FGGY: variants seen among roughly 807,000 people sequenced by gnomAD.
FGGY encodes the protein FGGY carbohydrate kinase domain-containing protein.
FGGY carries 72 observed loss-of-function variants against 71.3 expected under a neutral mutation model. That is an observed-to-expected ratio of 1.01 (90% CI 0.84 to 1.23). The LOEUF (loss-of-function observed/expected upper bound fraction) is 1.23. Ranked by LOEUF, FGGY falls within the 50% of genes most tolerant of loss-of-function variation. The probability of loss-of-function intolerance (pLI) is 0.00; values close to 1 mark genes in which losing one functional copy is unlikely to be tolerated. For synonymous variants in FGGY, 251 were observed against 250.3 expected (o/e 1.00, Z -0.02); for missense variants, 668 against 682.3 (o/e 0.98, Z 0.23).
At chr1:59,304,275 T>C (rs1354735838) in intron 1 of FGGY, among the ~76,000 whole-genome samples, 1 of 152,152 alleles carries the variant, frequency 6.6e-6, no homozygotes, top group Non-Finnish European at 1.5e-5. Flanking sequence ...GGGTTCAATT[T>C]CATTCTTTCG....
chr1:59,296,960 C>A (rs1356421785), upstream of FGGY: 1 of 152,754 alleles, frequency 6.5e-6, no homozygotes, highest in African/African-American at 2.4e-5. Context: ...TTTGCTGGTG[C>A]GCAGGCTCTT....
chr1:59,574,554 G>T (rs1261385883), intron 8 of FGGY, among the ~76,000 whole-genome samples: 1 of 151,726 alleles, frequency 6.6e-6, no homozygotes, highest in East Asian at 1.9e-4. Context: ...TACCCTTTAT[G>T]GAAAGAAGTG....
At chr1:59,565,827 A>G (rs1361609526) in intron 8 of FGGY, among the ~76,000 whole-genome samples, 1 of 152,170 alleles carries the variant, frequency 6.6e-6, no homozygotes, top group Non-Finnish European at 1.5e-5. Flanking sequence ...CCAGTCTTCC[A>G]AATCACTTCC....
At chr1:59,479,214 C>T (rs969934808) in intron 6 of FGGY, among the ~76,000 whole-genome samples, 5 of 152,082 alleles carry the variant, frequency 3.3e-5, no homozygotes, top group South Asian at 2.1e-4. Context: ...CTCAGAGTCA[C>T]AGTTGAGAAA....
At chr1:59,359,906 G>C (rs2055093742) in intron 4 of FGGY, among the ~76,000 whole-genome samples, 1 of 152,022 alleles carries the variant, frequency 6.6e-6, no homozygotes, top group African/African-American at 2.4e-5. Flanking sequence ...CTGCCTAAGT[G>C]GCTCTATCCT....
intron 12 of FGGY, chr1:59,660,564 A>C (rs2097265226): frequency 3.4e-6 from 1 of 295,898 alleles, no homozygotes; most frequent in Non-Finnish European, 6.2e-6. Context: ...TCTAAATTTA[A>C]TTAAATAGAA....
At chr1:59,311,957 A>G (rs2044419300) in intron 1 of FGGY, among the ~76,000 whole-genome samples, 1 of 152,182 alleles carries the variant, frequency 6.6e-6, no homozygotes, top group South Asian at 2.1e-4. Flanking sequence ...CTGGCATGAG[A>G]TAGTATCTCG....
chr1:59,520,220 G>C (rs1200909734), intron 7 of FGGY, among the ~76,000 whole-genome samples: 1 of 152,206 alleles, frequency 6.6e-6, no homozygotes, highest in East Asian at 1.9e-4. Flanking sequence ...TAAGGGTTTT[G>C]CTGATACATT....
intron 8 of FGGY, among the ~76,000 whole-genome samples, chr1:59,592,170 A>G (rs1042918039): frequency 2.2e-4 from 34 of 152,382 alleles, no homozygotes; most frequent in African/African-American, 7.5e-4. Flanking sequence ...TGCAGCAAAA[A>G]AACACATGAA....
intron 5 of FGGY, among the ~76,000 whole-genome samples, chr1:59,406,456 C>G (rs1397377152): frequency 2.0e-5 from 3 of 152,092 alleles, no homozygotes; most frequent in Non-Finnish European, 2.9e-5. Context: ...AAGTACAGTG[C>G]AAGAAAGCTG....
At chr1:59,375,477 A>T (rs193275309) in intron 4 of FGGY, among the ~76,000 whole-genome samples, 203 of 152,278 alleles carry the variant, frequency 1.3e-3, no homozygotes, top group Middle Eastern at 3.4e-3. Context: ...GTGCATACTT[A>T]AGAGTACCTC....
At chr1:59,565,077 G>A (rs2095853556) in intron 8 of FGGY, among the ~76,000 whole-genome samples, 1 of 152,116 alleles carries the variant, frequency 6.6e-6, no homozygotes, top group South Asian at 2.1e-4. Context: ...GTGGTATATG[G>A]GAGTGGAAAG....
chr1:59,346,521 G>T (rs2051954193), intron 4 of FGGY, 123 bp downstream of exon 4: 2 of 1,115,740 alleles, frequency 1.8e-6, no homozygotes, highest in South Asian at 3.1e-5. Flanking sequence ...GCAACTAGGA[G>T]GAAGGTTGAT....
intron 12 of FGGY, among the ~76,000 whole-genome samples, chr1:59,660,690 A>T (rs1041902950): frequency 3.9e-5 from 6 of 152,248 alleles, no homozygotes; most frequent in African/African-American, 1.4e-4. Flanking sequence ...GGGTCCTTTA[A>T]ATAGTAAGCT....
chr1:59,482,474 T>A (rs1464687960), intron 6 of FGGY, among the ~76,000 whole-genome samples: 3 of 151,806 alleles, frequency 2.0e-5, no homozygotes, highest in Non-Finnish European at 4.4e-5. Flanking sequence ...GGCTGCATAT[T>A]TATATATATA....
chr1:59,497,328 C>G (rs1570174959), intron 6 of FGGY, among the ~76,000 whole-genome samples: 1 of 152,184 alleles, frequency 6.6e-6, no homozygotes, highest in Admixed American at 6.5e-5. Flanking sequence ...TGGCTCATGC[C>G]TATAATCCCA....
intron 14 of FGGY, among the ~76,000 whole-genome samples, chr1:59,710,062 C>G (rs555347504): frequency 6.6e-6 from 1 of 152,178 alleles, no homozygotes; most frequent in Admixed American, 6.5e-5. Context: ...ACCCTGCCAC[C>G]AACTCACAGA....
intron 6 of FGGY, among the ~76,000 whole-genome samples, chr1:59,459,416 T>G (rs2091987098): frequency 6.6e-6 from 1 of 152,168 alleles, no homozygotes; most frequent in Non-Finnish European, 1.5e-5. Context: ...AAAAATAGTT[T>G]TGTGCATCAA....
At chr1:59,411,831 TA>T (rs57952277) in intron 5 of FGGY, among the ~76,000 whole-genome samples, 3,381 of 152,262 alleles carry the variant, frequency 0.022, 106 homozygotes, top group African/African-American at 0.077. Flanking sequence ...CCATCTTTTT[TA>T]AGGCATTTTT....
Sources: allele counts gnomAD v4.1 joint callset (sites outside exome capture counted in the v4.1 genomes callset), GRCh38; gene constraint gnomAD v4.1.1; transcripts MANE v1.5; gene names NCBI Gene and HGNC (gene_info 2026-07-23, HGNC 2026-07-21).